Variants in CNTN5 observed in about 807,000 individuals in gnomAD.
The protein encoded by CNTN5 is contactin-5.
A neutral mutation model predicts 129.1 loss-of-function variants in CNTN5; 77 were observed. The ratio of observed to expected loss-of-function variants is 0.60; its 90% CI spans 0.50 to 0.72. The LOEUF is 0.72. Among genes scored for constraint, CNTN5 ranks in the 30% least tolerant of loss-of-function variants. The pLI, the probability that CNTN5 is intolerant of heterozygous loss-of-function variation, is 0.00. For synonymous variants in CNTN5, 509 were observed against 465.6 expected, an observed-to-expected ratio of 1.09 and a Z score of -1.20; for missense variants, 1,478 against 1,328.8, an observed-to-expected ratio of 1.11 and a Z score of -1.75.
At chr11:100,005,730 T>C (rs1031502051) in intron 9 of CNTN5, among the ~76,000 whole-genome samples, 1 of 152,134 alleles carries the variant, frequency 6.6e-6, no homozygotes, top group East Asian at 1.9e-4. Context: ...AAGAGAGATT[T>C]ATCATATCTA....
In CNTN5 at chr11:99,064,404, C is replaced by T. The variant is rs532201689; in HGVS notation, c.-210+43134C>T. ...GAGCAGCATGTAGGGAAAGAGCAAC[C>T]TGAACCAGAAAAATGTACAGAAAAC... On this transcript the variant is annotated intron_variant, in intron 1 of 24. Coordinates refer to ENST00000524871, the MANE Select transcript of CNTN5 (RefSeq NM_014361.4). 5.8e-4 allele frequency among the ~76,000 whole-genome samples: 86 copies of T among 148,698 alleles called. 5 individuals carry two copies. In the South Asian group the frequency reaches 0.018, roughly 32 times the overall value.
intron 8 of CNTN5, among the ~76,000 whole-genome samples, chr11:99,988,902 G>A (rs1938869119): frequency 6.6e-6 from 1 of 151,452 alleles, no homozygotes. Flanking sequence ...TCATAACTTA[G>A]GTTTGCCTTA....
intron 3 of CNTN5, among the ~76,000 whole-genome samples, chr11:99,648,091 C>G (rs1293369575): frequency 6.6e-6 from 1 of 151,888 alleles, no homozygotes; most frequent in African/African-American, 2.4e-5. Flanking sequence ...TGTTGAGGTA[C>G]TTTCCTTCTT....
intron 3 of CNTN5, among the ~76,000 whole-genome samples, chr11:99,591,184 G>C (rs1165343540): frequency 6.6e-6 from 1 of 151,962 alleles, no homozygotes; most frequent in African/African-American, 2.4e-5. Flanking sequence ...CTTTTTGATG[G>C]TTCTCTGGAG....
At chr11:99,264,231 ATAT>A (rs1439529187) in intron 1 of CNTN5, among the ~76,000 whole-genome samples, 1 of 151,288 alleles carries the variant, frequency 6.6e-6, no homozygotes, top group Non-Finnish European at 1.5e-5. Flanking sequence ...TTATTTAATA[ATAT>A]TATTTAATTA....
chr11:99,272,037 A>G (rs77255370), intron 1 of CNTN5, among the ~76,000 whole-genome samples: 2,344 of 151,994 alleles, frequency 0.015, 26 homozygotes, highest in African/African-American at 0.031. Flanking sequence ...CTTTCAGTCA[A>G]CCCTACAAGG....
At chr11:99,182,352 C>T (rs746407731) in intron 1 of CNTN5, among the ~76,000 whole-genome samples, 41 of 152,114 alleles carry the variant, frequency 2.7e-4, no homozygotes, top group Non-Finnish European at 1.3e-4. Context: ...GAATGTTGTA[C>T]CTCACAGTCA....
At chr11:100,246,434 C>T (rs1389117686) in intron 16 of CNTN5, among the ~76,000 whole-genome samples, 9 of 152,042 alleles carry the variant, frequency 5.9e-5, no homozygotes. Context: ...ATATAGAGTA[C>T]ATAAACATTT....
chr11:99,523,598 A>ATAGAATAGAG (rs774490857), intron 2 of CNTN5, among the ~76,000 whole-genome samples: 1 of 31,410 alleles, frequency 3.2e-5, no homozygotes, highest in Non-Finnish European at 6.2e-5. Flanking sequence ...TCAAAGAAAG[A>ATAGAATAGAG]TAGAATAGAA....
At chr11:99,861,422 T>C (rs1207977779) in intron 6 of CNTN5, among the ~76,000 whole-genome samples, 1 of 152,170 alleles carries the variant, frequency 6.6e-6, no homozygotes, top group African/African-American at 2.4e-5. Flanking sequence ...GGTGGTAAAC[T>C]TAAGCACACT....
chr11:99,666,141 T>C (rs1210514497), intron 3 of CNTN5, among the ~76,000 whole-genome samples: 2 of 152,084 alleles, frequency 1.3e-5, no homozygotes, highest in East Asian at 1.9e-4. Context: ...CTGATTTTTG[T>C]ATTTTTAGTG....
At chr11:99,321,172 C>T (rs1175678240) in intron 1 of CNTN5, among the ~76,000 whole-genome samples, 1 of 151,020 alleles carries the variant, frequency 6.6e-6, no homozygotes, top group Non-Finnish European at 1.5e-5. Context: ...CTTGTCAGCT[C>T]CCATAATCAC....
chr11:99,358,965 A>G (rs1276814261), intron 2 of CNTN5, among the ~76,000 whole-genome samples: 2 of 152,254 alleles, frequency 1.3e-5, no homozygotes, highest in African/African-American at 4.8e-5. Flanking sequence ...AAAAGTAGAA[A>G]TAAGTTCTAA....
At chr11:99,249,465 A>G (rs1174309546) in intron 1 of CNTN5, among the ~76,000 whole-genome samples, 2 of 152,042 alleles carry the variant, frequency 1.3e-5, no homozygotes, top group African/African-American at 4.8e-5. Context: ...GACATTTAAT[A>G]GCTGTGACCA....
chr11:99,902,941 G>A (rs934870694), intron 6 of CNTN5, among the ~76,000 whole-genome samples: 5 of 152,130 alleles, frequency 3.3e-5, no homozygotes, highest in African/African-American at 1.2e-4. Flanking sequence ...AAGATAAGTT[G>A]AAAATTGATC....
chr11:99,591,641 CAACAAAA>C (rs1591328991), intron 3 of CNTN5, among the ~76,000 whole-genome samples: 1 of 152,012 alleles, frequency 6.6e-6, no homozygotes, highest in East Asian at 1.9e-4. Flanking sequence ...CCCAGCCCCT[CAACAAAA>C]CCTTTTTATT....
In CNTN5 at chr11:100,299,336, T is replaced by C; in HGVS notation, c.2560T>C (p.Tyr854His). The C allele has an allele frequency of 6.2e-7, 1 of 1,610,624 alleles. No individual in the cohort carries two copies. Residue 854 changes from tyrosine (Y) to histidine (H), a missense_variant, in exon 20 of 25, where the codon TAT becomes CAT. Transcript: ENST00000524871. ...LTPFEVKVGV[Y>H]NNKGDGPFSQ... ...TCCCTTTGAAGTGAAAGTTGGCGTT[T>C]ATAACAATAAAGGAGATGGGCCTTT...
At position 100,202,172 on chromosome 11, in the gene CNTN5, T is replaced by A. The variant is rs75488764; in HGVS notation, c.1884+8509T>A. Among the ~76,000 whole-genome samples, 898 of 152,144 alleles carry A rather than the reference T, an allele frequency of 5.9e-3. 13 individuals are homozygous for A. Among genetic ancestry groups the A allele is most frequent in the African/African-American group, 0.02 (836 of 41,538 alleles). On this transcript the variant is annotated intron_variant, in intron 15 of 24. Transcript: ENST00000524871. ...CAACTTTCCCAAACTTAAACAACTG[T>A]TGGATACAAGAGTTATCCAAACTAG... is the stretch of plus-strand genomic sequence containing the variant.
intron 3 of CNTN5, among the ~76,000 whole-genome samples, chr11:99,590,467 G>A (rs922445298): frequency 6.6e-6 from 1 of 152,132 alleles, no homozygotes; most frequent in Admixed American, 6.5e-5. Flanking sequence ...TTGACAAGTG[G>A]CAAAGTTAAG....
Sources: gnomAD v4.1 joint callset for allele counts (sites outside exome capture counted in the v4.1 genomes callset) on GRCh38, gnomAD v4.1.1 for gene constraint, MANE v1.5 for transcripts, NCBI Gene and HGNC (gene_info 2026-07-23, HGNC 2026-07-21) for gene names.